KAZN: variants seen among roughly 807,000 people sequenced by gnomAD.
KAZN encodes the protein kazrin.
Under a neutral mutation model 87.4 loss-of-function variants are expected in KAZN, and 40 were observed. That is an observed-to-expected ratio of 0.46 (90% CI 0.36 to 0.60). The LOEUF is 0.60. Ranked by LOEUF, KAZN falls within the 20% of genes least tolerant of loss-of-function variation. The pLI is 0.00. For synonymous variants in KAZN, 466 were observed against 458.3 expected (o/e 1.02, Z -0.22); for missense variants, 898 against 1,073.9 (o/e 0.84, Z 2.29).
chr1:14,738,055 T>C (rs1041838148), intron 1 of KAZN, among the ~76,000 whole-genome samples: 4 of 152,228 alleles, frequency 2.6e-5, no homozygotes, highest in African/African-American at 9.6e-5. Flanking sequence ...TTTAGAATTC[T>C]ACCTACTGCC....
chr1:14,645,274 G>A (rs1008203216), intron 1 of KAZN, among the ~76,000 whole-genome samples: 11 of 152,034 alleles, frequency 7.2e-5, no homozygotes, highest in African/African-American at 2.7e-4. Flanking sequence ...AAGTTGCCTT[G>A]GCTATTTGGG....
At chr1:14,110,076 C>T (rs1644467369) in intron 1 of KAZN, among the ~76,000 whole-genome samples, 1 of 135,792 alleles carries the variant, frequency 7.4e-6, no homozygotes, top group Non-Finnish European at 1.6e-5. Flanking sequence ...GCTTGACAGG[C>T]AGGAAAAAAG....
At chr1:15,100,163 T>G (rs1334331602) in intron 10 of KAZN, among the ~76,000 whole-genome samples, 1 of 151,960 alleles carries the variant, frequency 6.6e-6, no homozygotes, top group Non-Finnish European at 1.5e-5. Context: ...GCCCTGGAGA[T>G]GGGTAATACA....
intron 1 of KAZN, among the ~76,000 whole-genome samples, chr1:13,993,383 A>G (rs1639372893): frequency 6.6e-6 from 1 of 152,092 alleles, no homozygotes; most frequent in Admixed American, 6.6e-5. Flanking sequence ...GGGAAAGAGC[A>G]TAACTTAAAA....
At chr1:13,945,710 T>TGTGTGTGTGA (rs757118365) in intron 1 of KAZN, among the ~76,000 whole-genome samples, 4,133 of 136,884 alleles carry the variant, frequency 0.03, 137 homozygotes, top group African/African-American at 0.078. Context: ...TGTGTGTGTG[T>TGTGTGTGTGA]GAGAGAGAGA....
chr1:14,099,405 A>G (rs1644199877), intron 1 of KAZN, among the ~76,000 whole-genome samples: 1 of 152,104 alleles, frequency 6.6e-6, no homozygotes, highest in South Asian at 2.1e-4. Context: ...TTAGCCCTTT[A>G]GAAATGCAAA....
chr1:14,639,803 A>G lies in KAZN; in HGVS notation c.226+40580A>G, dbSNP rs533097885. ...TTTGATTTTTTTAGCCATCCAGGGC[A>G]TGGAAGGGAGGTGCACACCCGCTGT... On this transcript the variant is annotated intron_variant, in intron 1 of 14. Coordinates refer to ENST00000376030, the MANE Select transcript of KAZN (RefSeq NM_201628.3). Among the ~76,000 whole-genome samples, 36 of 152,266 alleles carry G rather than the reference A, an allele frequency of 2.4e-4. 1 individual carries two copies. In the East Asian group the frequency reaches 6.4e-3, roughly 27 times the overall value.
chr1:14,131,432 T>G (rs528226474), intron 1 of KAZN, among the ~76,000 whole-genome samples: 139 of 152,284 alleles, frequency 9.1e-4, no homozygotes, highest in African/African-American at 3.3e-3. Context: ...GAAATGGATC[T>G]TGGAATTTGT....
intron 1 of KAZN, among the ~76,000 whole-genome samples, chr1:13,901,607 G>T (rs1639253113): frequency 6.6e-6 from 1 of 152,212 alleles, no homozygotes. Context: ...AAACTCTCCA[G>T]CTGCGTCCTG....
chr1:14,907,778 G>T (rs907967585), intron 1 of KAZN, among the ~76,000 whole-genome samples: 1 of 152,136 alleles, frequency 6.6e-6, no homozygotes. Context: ...CATGATGGGG[G>T]ATGGCAATTG....
intron 1 of KAZN, among the ~76,000 whole-genome samples, chr1:13,996,030 G>C (rs565726089): frequency 6.6e-6 from 1 of 151,698 alleles, no homozygotes; most frequent in African/African-American, 2.4e-5. Context: ...TCCAGGTTCC[G>C]TCATCACAAC....
At chr1:14,178,432 A>C (rs938798727) in intron 1 of KAZN, among the ~76,000 whole-genome samples, 2 of 152,174 alleles carry the variant, frequency 1.3e-5, no homozygotes, top group Non-Finnish European at 2.9e-5. Context: ...TTTCAGGTTC[A>C]CCAATCTTTT....
chr1:14,845,555 G>A (rs987153055), intron 1 of KAZN, among the ~76,000 whole-genome samples: 2 of 140,342 alleles, frequency 1.4e-5, no homozygotes, highest in African/African-American at 5.7e-5. Context: ...GCATAGATGG[G>A]TGGGTGGATG....
chr1:15,100,256 G>A (rs1185412559), intron 10 of KAZN, among the ~76,000 whole-genome samples: 1 of 152,192 alleles, frequency 6.6e-6, no homozygotes, highest in Non-Finnish European at 1.5e-5. Context: ...CCCCAGCAGG[G>A]TGGTCACGGG....
At chr1:14,947,225 G>A (rs543425680) in intron 1 of KAZN, among the ~76,000 whole-genome samples, 9 of 152,328 alleles carry the variant, frequency 5.9e-5, no homozygotes, top group South Asian at 2.1e-4. Flanking sequence ...ACTAATGCGC[G>A]GCCTTCCTTC....
chr1:14,924,587 G>T, intron 1 of KAZN: 1 of 956,824 alleles, frequency 1.0e-6, no homozygotes, highest in Non-Finnish European at 1.3e-6. Flanking sequence ...GTGCGCGCGG[G>T]GCGGGGCGGG....
intron 1 of KAZN, among the ~76,000 whole-genome samples, chr1:14,132,296 G>T (rs894734471): frequency 6.6e-6 from 1 of 152,138 alleles, no homozygotes; most frequent in Admixed American, 6.5e-5. Flanking sequence ...GGGTCAGGGG[G>T]TAGGCTTCAG....
intron 1 of KAZN, among the ~76,000 whole-genome samples, chr1:14,687,199 GC>G (rs1641004223): frequency 6.6e-6 from 1 of 152,150 alleles, no homozygotes; most frequent in Admixed American, 6.5e-5. Flanking sequence ...TAAAATGGCA[GC>G]CCCCATAAGG....
chr1:14,240,393 A>T (rs1330108453), intron 2 of KAZN, among the ~76,000 whole-genome samples: 1 of 152,214 alleles, frequency 6.6e-6, no homozygotes, highest in Non-Finnish European at 1.5e-5. Context: ...CCCATGGGGA[A>T]GACACCATTG....
Sources: gnomAD v4.1 joint callset for allele counts (sites outside exome capture counted in the v4.1 genomes callset) on GRCh38, gnomAD v4.1.1 for gene constraint, MANE v1.5 for transcripts, NCBI Gene and HGNC (gene_info 2026-07-23, HGNC 2026-07-21) for gene names.